The following SLC11A2 variants were observed in gnomAD, a reference collection of about 807,000 sequenced individuals.
SLC11A2 encodes natural resistance-associated macrophage protein 2.
A neutral mutation model predicts 68.0 loss-of-function variants in SLC11A2; 38 were observed. The observed-to-expected ratio is 0.56, with a 90% CI of 0.43 to 0.73. The LOEUF is 0.73. SLC11A2 is among the 30% of genes least tolerant of loss of function. SLC11A2 has a pLI of 0.00. For synonymous variants in SLC11A2, 242 were observed against 250.6 expected, an observed-to-expected ratio of 0.97 and a Z score of 0.32; for missense variants, 517 against 690.5, an observed-to-expected ratio of 0.75 and a Z score of 2.82.
chr12:50,961,215 G>T, the SLC11A2 span: 1 of 1,108,518 alleles, frequency 9.0e-7, no homozygotes. Flanking sequence ...AATGAGAGAG[G>T]GGTAGGAAAG....
In SLC11A2 at chr12:51,008,372, C is replaced by A. The variant is rs1942934966; in HGVS notation, c.183+104G>T. The A allele has an allele frequency of 1.3e-5, 11 of 863,010 alleles. No individual in the cohort carries two copies. The South Asian group carries it at 1.3e-4, about 10-fold the overall frequency. The allele number at this position is 863,010 out of a possible 1,614,324, so 53.5% of individuals were successfully genotyped here. A position where few individuals can be genotyped will look rare whatever the true frequency, so the allele number is the denominator to read the frequency against. ...AGATATAGTCTTCAGAGATTGCCAG[C>A]CAAAATTAAACCTGAGGCTGCTGAA... On this transcript the variant is annotated intron_variant, in intron 3 of 15. Coordinates refer to ENST00000262052, the MANE Select transcript of SLC11A2 (RefSeq NM_000617.3).
chr12:50,978,548 G>T (rs1037908871), downstream of SLC11A2, among the ~76,000 whole-genome samples: 1 of 149,716 alleles, frequency 6.7e-6, no homozygotes, highest in African/African-American at 2.5e-5. Flanking sequence ...TGTAAATGAC[G>T]AGTTAATGGG....
At chr12:50,954,420 C>A in the SLC11A2 span, 1 of 207,118 alleles carries the variant, frequency 4.8e-6, no homozygotes, top group East Asian at 1.1e-4. Flanking sequence ...CCATCAACAG[C>A]AGCATCAGTT....
chr12:51,010,365 A>G (rs1163631481), intron 2 of SLC11A2, among the ~76,000 whole-genome samples: 1 of 152,048 alleles, frequency 6.6e-6, no homozygotes, highest in Non-Finnish European at 1.5e-5. Flanking sequence ...TAAAAATACA[A>G]AAATTAGCCG....
chr12:51,018,714 G>A (rs916616682), intron 1 of SLC11A2, among the ~76,000 whole-genome samples: 1 of 152,052 alleles, frequency 6.6e-6, no homozygotes, highest in Non-Finnish European at 1.5e-5. Context: ...GCTGCAGTGA[G>A]CCGTGATCAG....
In SLC11A2 at chr12:50,996,882, C is replaced by T. The variant is rs1226284709; in HGVS notation, c.766G>A (p.Ala256Thr). ...ATGACAGCTCCCACGATGCCCACAG[C>T]CTGTTCAATCTGTGGAGTGCGACAG... ...SGCRTPQIEQ[A>T]VGIVGAVIMP... The change falls in exon 9 of 16, where the codon GCT (alanine) becomes ACT (threonine). Residue 256 changes from alanine (A) to threonine (T), a missense_variant. Ala to Thr is a moderately conservative substitution (Grantham distance 58, BLOSUM62 0). Transcript: ENST00000262052. The T allele has an allele frequency of 6.2e-7, 1 of 1,613,942 alleles. No homozygotes were observed. The highest frequency in any genetic ancestry group is 8.5e-7 in the Non-Finnish European group (1 of 1,179,862).
At chr12:50,959,578 A>G in the SLC11A2 span, among the ~76,000 whole-genome samples, 1 of 152,126 alleles carries the variant, frequency 6.6e-6, no homozygotes, top group South Asian at 2.1e-4. Flanking sequence ...TCTCTATACC[A>G]ATAAGTTATA....
intron 6 of SLC11A2, 30 bp from the exon 7 acceptor site, chr12:50,999,445 A>G: frequency 6.5e-7 from 1 of 1,539,328 alleles, no homozygotes. Context: ...TGGAAGTCAG[A>G]GAGACGGAAA....
chr12:50,986,095 C>T lies in SLC11A2; in HGVS notation c.*2230G>A, dbSNP rs915198738. 4 of 1,286,504 alleles carry T rather than the reference C, an allele frequency of 3.1e-6. No individual in the cohort carries two copies. The African/African-American group carries it at 6.1e-5, about 20-fold the overall frequency. 79.7% of individuals were successfully genotyped at this position (1,286,504 alleles called of 1,614,324 possible). On this transcript the variant is annotated 3_prime_UTR_variant, in exon 16 of 16. Coordinates refer to ENST00000262052, the MANE Select transcript of SLC11A2 (RefSeq NM_000617.3). ...ACTCCTAACACCACTAGCAGAACCT[C>T]AAGGGAGCCAAGAGCTCTTCCCTTT...
At chr12:50,983,364 G>A (rs1940237146), downstream of SLC11A2, among the ~76,000 whole-genome samples, 1 of 152,192 alleles carries the variant, frequency 6.6e-6, no homozygotes, top group Non-Finnish European at 1.5e-5. Context: ...CTAAGTTAAT[G>A]CAGAATGCAG....
intron 8 of SLC11A2, 129 bp downstream of exon 8, chr12:50,999,045 G>T (rs865814214): frequency 1.3e-6 from 1 of 778,444 alleles, no homozygotes; most frequent in African/African-American, 1.8e-5. Flanking sequence ...GGAAAAATTG[G>T]CTTTTTGTTG....
At chr12:50,997,635 G>A (rs1251412397) in intron 8 of SLC11A2, among the ~76,000 whole-genome samples, 8 of 131,940 alleles carry the variant, frequency 6.1e-5, no homozygotes, top group Admixed American at 9.2e-5. Flanking sequence ...AGCTGAGATC[G>A]TGCCACTGAA....
chr12:50,970,675 C>T, the SLC11A2 span, among the ~76,000 whole-genome samples: 2 of 152,166 alleles, frequency 1.3e-5, no homozygotes, highest in South Asian at 2.1e-4. Context: ...GATCAACAAT[C>T]ATAAACAGTC....
downstream of SLC11A2, among the ~76,000 whole-genome samples, chr12:50,983,592 C>CT (rs1294687908): frequency 1.1e-4 from 17 of 152,032 alleles, no homozygotes; most frequent in Non-Finnish European, 7.4e-5. Context: ...AATCCCAGCA[C>CT]TTTGAGAGGC....
At chr12:50,979,659 T>C (rs749609887), downstream of SLC11A2, 13 of 360,124 alleles carry the variant, frequency 3.6e-5, no homozygotes, top group Non-Finnish European at 6.5e-5. Context: ...AGTTGCAGGG[T>C]TGGCTGCTCT....
the SLC11A2 span, among the ~76,000 whole-genome samples, chr12:50,973,798 C>A: frequency 6.6e-6 from 1 of 152,138 alleles, no homozygotes; most frequent in African/African-American, 2.4e-5. Flanking sequence ...CCTTAAAGGA[C>A]CTGATGGAGC....
At chr12:51,020,224 CT>C (rs553339563) in intron 1 of SLC11A2, among the ~76,000 whole-genome samples, 139 of 137,440 alleles carry the variant, frequency 1.0e-3, no homozygotes, top group Admixed American at 1.7e-3. Flanking sequence ...CCACAGCTGG[CT>C]TTTTTTTTTT....
chr12:50,969,665 C>T, the SLC11A2 span, among the ~76,000 whole-genome samples: 1 of 150,736 alleles, frequency 6.6e-6, no homozygotes, highest in Admixed American at 6.6e-5. Context: ...CGCCATTGTA[C>T]CACTCCAGCC....
chr12:50,982,938 CAAAAAAA>C (rs34727368), downstream of SLC11A2, among the ~76,000 whole-genome samples: 2 of 90,036 alleles, frequency 2.2e-5, no homozygotes, highest in African/African-American at 9.0e-5. Flanking sequence ...GAGACTCCGT[CAAAAAAA>C]AAAAAAAAAA....
Sources: allele counts gnomAD v4.1 joint callset (sites outside exome capture counted in the v4.1 genomes callset), GRCh38; gene constraint gnomAD v4.1.1; transcripts MANE v1.5; gene names NCBI Gene and HGNC (gene_info 2026-07-23, HGNC 2026-07-21).